Variants in CPNE4 observed in about 807,000 individuals in gnomAD.
The protein encoded by CPNE4 is copine 4, also known as copine-4.
A neutral mutation model predicts 67.9 loss-of-function variants in CPNE4; 25 were observed. That is an observed-to-expected ratio of 0.37 (90% CI 0.27 to 0.51). The LOEUF is 0.51. CPNE4 is among the 20% of genes least tolerant of loss of function. The probability of loss-of-function intolerance (pLI) is 0.93; values close to 1 mark genes in which losing one functional copy is unlikely to be tolerated. For missense variants in CPNE4, 464 were observed against 690.8 expected, an observed-to-expected ratio of 0.67 and a Z score of 3.68; for synonymous variants, 242 against 244.9, an observed-to-expected ratio of 0.99 and a Z score of 0.11.
chr3:131,685,642 C>T (rs530995496), intron 6 of CPNE4, among the ~76,000 whole-genome samples: 97 of 152,016 alleles, frequency 6.4e-4, no homozygotes, highest in Non-Finnish European at 1.1e-3. Flanking sequence ...ATTAGCTCGG[C>T]GTGGTGGTGG....
chr3:131,771,851 T>C (rs1021197184), intron 2 of CPNE4, among the ~76,000 whole-genome samples: 1 of 152,192 alleles, frequency 6.6e-6, no homozygotes, highest in Non-Finnish European at 1.5e-5. Flanking sequence ...TGGTTCCATG[T>C]CAGACTCCTG....
intron 3 of CPNE4, among the ~76,000 whole-genome samples, chr3:131,722,482 A>G (rs1583082154): frequency 7.0e-6 from 1 of 142,748 alleles, no homozygotes; most frequent in East Asian, 2.3e-4. Flanking sequence ...AGTTGCTTAT[A>G]TTGCTTTCTT....
intron 1 of CPNE4, among the ~76,000 whole-genome samples, chr3:132,033,499 C>T (rs903669834): frequency 2.0e-5 from 3 of 152,048 alleles, no homozygotes; most frequent in Non-Finnish European, 2.9e-5. Flanking sequence ...AGCCCCCTCC[C>T]GCCTCACTCT....
chr3:131,550,994 T>G (rs559369910), intron 13 of CPNE4, among the ~76,000 whole-genome samples: 1 of 152,130 alleles, frequency 6.6e-6, no homozygotes, highest in Non-Finnish European at 1.5e-5. Context: ...TTTATTCAAA[T>G]GGCTTCTCTT....
At chr3:131,810,930 G>T (rs1448440658) in intron 2 of CPNE4, among the ~76,000 whole-genome samples, 1 of 152,036 alleles carries the variant, frequency 6.6e-6, no homozygotes, top group African/African-American at 2.4e-5. Context: ...AAATAAGCCA[G>T]AAATAGAAAG....
intron 10 of CPNE4, among the ~76,000 whole-genome samples, chr3:131,566,764 A>G (rs1559909585): frequency 6.6e-6 from 1 of 151,950 alleles, no homozygotes; most frequent in Non-Finnish European, 1.5e-5. Context: ...GGATAATGGC[A>G]CCTTGCACAG....
intron 2 of CPNE4, among the ~76,000 whole-genome samples, chr3:131,769,488 G>T (rs1162445839): frequency 6.6e-6 from 1 of 152,156 alleles, no homozygotes; most frequent in Non-Finnish European, 1.5e-5. Flanking sequence ...TTATAAGTTA[G>T]AAAGGAGCTT....
In CPNE4 at chr3:131,564,202, CT is replaced by C. The variant is rs536934330; in HGVS notation, c.1061+13del. 1.0e-3 allele frequency: 1,674 copies of C among 1,612,360 alleles called. 15 individuals carry two copies. Among genetic ancestry groups the C allele is most frequent in the Non-Finnish European group, 4.0e-4 (470 of 1,178,840 alleles). On this transcript the variant is annotated intron_variant, in intron 11 of 15. Transcript: ENST00000429747. ...GAGAGATGATAAGGCTCCAAATGTC[CT>C]GAAGCCTCTTACCTGTCATAGTCTT...
intron 6 of CPNE4, among the ~76,000 whole-genome samples, chr3:131,675,397 T>C (rs2080529806): frequency 6.6e-6 from 1 of 152,158 alleles, no homozygotes; most frequent in Non-Finnish European, 1.5e-5. Flanking sequence ...TATCCAATGC[T>C]GAAAATGGGG....
chr3:131,926,082 G>A (rs1208589730), intron 1 of CPNE4, among the ~76,000 whole-genome samples: 1 of 152,112 alleles, frequency 6.6e-6, no homozygotes, highest in African/African-American at 2.4e-5. Flanking sequence ...AATTTTTAAA[G>A]GTAAGTAATA....
chr3:131,928,886 T>C (rs2070971386), intron 1 of CPNE4, among the ~76,000 whole-genome samples: 1 of 152,206 alleles, frequency 6.6e-6, no homozygotes, highest in Admixed American at 6.5e-5. Context: ...GCTTCTGCAT[T>C]GAAGCCTGGC....
intron 1 of CPNE4, among the ~76,000 whole-genome samples, chr3:132,002,278 G>A (rs554807595): frequency 6.6e-6 from 1 of 152,154 alleles, no homozygotes; most frequent in African/African-American, 2.4e-5. Flanking sequence ...TTAAACCCAT[G>A]TCTTGGCAGA....
At chr3:131,775,624 G>A (rs2083273812) in intron 2 of CPNE4, among the ~76,000 whole-genome samples, 1 of 152,108 alleles carries the variant, frequency 6.6e-6, no homozygotes, top group African/African-American at 2.4e-5. Context: ...CCCCGCACAA[G>A]TTCTCTTCTC....
chr3:131,933,835 G>A (rs1196924394), intron 1 of CPNE4, among the ~76,000 whole-genome samples: 3 of 150,802 alleles, frequency 2.0e-5, no homozygotes, highest in Non-Finnish European at 3.0e-5. Flanking sequence ...TGAAACCTGA[G>A]ACAATCAAAC....
In CPNE4 at chr3:131,737,050, T is replaced by C. The variant is rs543162551; in HGVS notation, c.181-13425A>G. 1.3e-4 allele frequency among the ~76,000 whole-genome samples: 20 copies of C among 151,706 alleles called. No individual in the cohort carries two copies. The South Asian group carries it at 2.3e-3, about 17-fold the overall frequency. On this transcript the variant is annotated intron_variant, in intron 2 of 15. Coordinates refer to ENST00000429747, the MANE Select transcript of CPNE4 (RefSeq NM_130808.3). Reference sequence around the variant, plus strand: ...CTTCTCTTCCTTTTTCTCCTTTCCATTCTAAAATTTCTGCTTCCCCTGTCT... The same window carrying C: ...CTTCTCTTCCTTTTTCTCCTTTCCACTCTAAAATTTCTGCTTCCCCTGTCT...
intron 2 of CPNE4, among the ~76,000 whole-genome samples, chr3:131,754,386 G>T (rs2082705275): frequency 6.6e-6 from 1 of 152,066 alleles, no homozygotes; most frequent in Non-Finnish European, 1.5e-5. Context: ...AAAAAAAAGA[G>T]ATTGCTCTTT....
intron 1 of CPNE4, among the ~76,000 whole-genome samples, chr3:131,978,141 T>A (rs1471489748): frequency 3.8e-5 from 3 of 79,546 alleles, no homozygotes; most frequent in Admixed American, 2.3e-4. Context: ...TTTATATAAA[T>A]ATATATAAAA....
chr3:131,771,273 C>T (rs946473895), intron 2 of CPNE4, among the ~76,000 whole-genome samples: 3 of 152,064 alleles, frequency 2.0e-5, no homozygotes, highest in African/African-American at 4.8e-5. Context: ...GTCACCCATA[C>T]AGCATTTTGT....
At chr3:131,908,586 C>T (rs2088854168) in intron 1 of CPNE4, among the ~76,000 whole-genome samples, 1 of 152,138 alleles carries the variant, frequency 6.6e-6, no homozygotes, top group South Asian at 2.1e-4. Context: ...TCTAACTTTC[C>T]CTATCCTTAT....
Sources: gnomAD v4.1 joint callset for allele counts (sites outside exome capture counted in the v4.1 genomes callset) on GRCh38, gnomAD v4.1.1 for gene constraint, MANE v1.5 for transcripts, NCBI Gene and HGNC (gene_info 2026-07-23, HGNC 2026-07-21) for gene names.